Variants in KCNC1 observed in about 807,000 individuals in gnomAD.
The protein encoded by KCNC1 is potassium voltage-gated channel subfamily C member 1, also known as voltage-gated potassium channel KCNC1.
A neutral mutation model predicts 43.4 loss-of-function variants in KCNC1; 8 were observed. The ratio of observed to expected loss-of-function variants is 0.18; its 90% CI spans 0.11 to 0.33. The LOEUF is 0.33. Among genes scored for constraint, KCNC1 ranks in the 10% least tolerant of loss-of-function variants. KCNC1 has a pLI of 1.00. For missense variants in KCNC1, 420 were observed against 836.0 expected, an observed-to-expected ratio of 0.50 and a Z score of 6.14; for synonymous variants, 361 against 360.5, an observed-to-expected ratio of 1.00 and a Z score of -0.01.
intron 1 of KCNC1, among the ~76,000 whole-genome samples, chr11:17,747,054 C>T (rs1219221998): frequency 6.6e-6 from 1 of 152,188 alleles, no homozygotes; most frequent in Non-Finnish European, 1.5e-5. Flanking sequence ...TCACCCGTTA[C>T]CCACCTGTTT....
intron 1 of KCNC1, among the ~76,000 whole-genome samples, chr11:17,757,794 A>G (rs1849037698): frequency 6.6e-6 from 1 of 152,260 alleles, no homozygotes; most frequent in South Asian, 2.1e-4. Flanking sequence ...CTTAATTTTT[A>G]AATACGTTAT....
At chr11:17,738,127 G>C (rs1848791163) in intron 1 of KCNC1, among the ~76,000 whole-genome samples, 1 of 152,114 alleles carries the variant, frequency 6.6e-6, no homozygotes, top group Non-Finnish European at 1.5e-5. Context: ...CCCTCCCCAA[G>C]GTCACCCAGG....
intron 1 of KCNC1, among the ~76,000 whole-genome samples, chr11:17,758,921 T>G (rs372230664): frequency 2.8e-4 from 43 of 152,354 alleles, no homozygotes; most frequent in African/African-American, 9.9e-4. Context: ...ACCAGCTGCA[T>G]TAGCCCTTAA....
chr11:17,754,750 G>A (rs1348287004), intron 1 of KCNC1, among the ~76,000 whole-genome samples: 1 of 152,166 alleles, frequency 6.6e-6, no homozygotes, highest in Admixed American at 6.5e-5. Context: ...CATTCTAGAG[G>A]GGGAAGAGAG....
chr11:17,751,280 C>T (rs185848614), intron 1 of KCNC1, among the ~76,000 whole-genome samples: 11 of 151,864 alleles, frequency 7.2e-5, no homozygotes, highest in East Asian at 1.9e-4. Flanking sequence ...GAGTAATGGA[C>T]GAATAGATGA....
At chr11:17,772,829 C>T (rs932681368) in intron 2 of KCNC1, 16 of 1,405,184 alleles carry the variant, frequency 1.1e-5, no homozygotes, top group African/African-American at 1.4e-5. Context: ...GAGGTTGACG[C>T]GGTTGGTCTC....
Position 17,781,606 on chromosome 11 carries a change from T to G in KCNC1, c.1694-64T>G. 1 of 1,129,236 alleles carries G rather than the reference T, an allele frequency of 8.9e-7. No homozygotes were observed. The highest frequency in any genetic ancestry group is 2.6e-5 in the East Asian group (1 of 38,696). The allele number at this position is 1,129,236 out of a possible 1,614,324, so 70.0% of individuals were successfully genotyped here. A position where few individuals can be genotyped will look rare whatever the true frequency, so the allele number is the denominator to read the frequency against. ...TTCCTCCTCCTTCTTAAAAACTAAG[T>G]ACCAAGCGGGATGGGAGAGCCAAGA... On this transcript the variant is annotated intron_variant, in intron 3 of 3. Transcript: ENST00000265969. This position sits in a 1 kb window ranked among gnomAD's most constrained non-coding sequence, Gnocchi z 5.1.
chr11:17,774,202 G>A, intron 2 of KCNC1: 1 of 985,522 alleles, frequency 1.0e-6, no homozygotes, highest in Non-Finnish European at 1.2e-6. Context: ...ACAGCTCCGA[G>A]CTCTCTGCTT....
Position 17,751,652 on chromosome 11 carries a change from G to A in KCNC1, c.570+15080G>A, listed in dbSNP as rs1024171109. On this transcript the variant is annotated intron_variant, in intron 1 of 3. Coordinates refer to ENST00000265969, the MANE Select transcript of KCNC1 (RefSeq NM_001112741.2). The stretch of plus-strand genomic sequence containing the variant: ...GGGACAGAGACTGGGCTGAGGGACT[G>A]GCCCACTCTCAAAGGTGAGAGTCCC... Among the ~76,000 whole-genome samples the A allele has an allele frequency of 2.0e-5, 3 of 152,310 alleles. No homozygotes were observed. The East Asian group carries it at 5.8e-4, about 29-fold the overall frequency.
At chr11:17,768,929 T>C (rs1849190033) in intron 1 of KCNC1, among the ~76,000 whole-genome samples, 1 of 152,220 alleles carries the variant, frequency 6.6e-6, no homozygotes. Context: ...CCAAGAGCCT[T>C]GGCAACTCTG....
rs567736955 is a variant in KCNC1 at position 17,773,001 on chromosome 11, C to T, written c.1504+403C>T. 8 of 1,068,116 alleles carry T rather than the reference C, an allele frequency of 7.5e-6. No individual in the cohort carries two copies. Among genetic ancestry groups the T allele is most frequent in the East Asian group, 7.3e-5 (1 of 13,684 alleles). The allele number at this position is 1,068,116 out of a possible 1,614,324, so 66.2% of individuals were successfully genotyped here. A position where few individuals can be genotyped will look rare whatever the true frequency, so the allele number is the denominator to read the frequency against. On this transcript the variant is annotated intron_variant, in intron 2 of 3. Transcript: ENST00000265969. The surrounding 1 kb of genome is among the most constrained non-coding windows in gnomAD (Gnocchi z 4.1). ...AGTGGGGGCGGGTGTGATTTGGAAA[C>T]GCTAGACAGCCTTTGATCTGGTCCT... is the stretch of plus-strand genomic sequence containing the variant.
chr11:17,767,294 AAAAAAAGAAAAG>A (rs1303185241), intron 1 of KCNC1, among the ~76,000 whole-genome samples: 19 of 150,810 alleles, frequency 1.3e-4, no homozygotes, highest in African/African-American at 4.7e-4. Flanking sequence ...CAAAAAAAAA[AAAAAAAGAAAAG>A]AAAAGAAAAG....
chr11:17,765,988 G>A (rs1849146435), intron 1 of KCNC1: 1 of 152,968 alleles, frequency 6.5e-6, no homozygotes, highest in African/African-American at 2.4e-5. Context: ...GGGCGGAGGA[G>A]GCAGAGGCAA....
chr11:17,776,550 A>C lies in KCNC1; in HGVS notation c.1505-2906A>C. The C allele has an allele frequency of 1.0e-6, 1 of 985,452 alleles. No homozygotes were observed. The highest frequency in any genetic ancestry group is 1.2e-6 in the Non-Finnish European group (1 of 829,966). The allele number at this position is 985,452 out of a possible 1,614,324, so 61.0% of individuals were successfully genotyped here. ...TTAAAAAAAAATGACCCTCTCGCAG[A>C]TGCTCATCTCAGCCCATTTCAAGCC... On this transcript the variant is annotated intron_variant, in intron 2 of 3. Transcript: ENST00000265969. This position sits in a 1 kb window ranked among gnomAD's most constrained non-coding sequence, Gnocchi z 4.4.
rs369830206 is a variant in KCNC1, at chr11:17,772,010, G to T, written c.916G>T (p.Val306Leu). Residue 306 changes from valine (V) to leucine (L), a missense_variant, in exon 2 of 4, where the codon GTG (valine) becomes TTG (leucine). Physicochemically the swap from Val to Leu is conservative, Grantham distance 32 (BLOSUM62 1). Coordinates refer to ENST00000265969, the MANE Select transcript of KCNC1 (RefSeq NM_001112741.2). ...CCTGTCCTCCAAGGCAGCCAAGGAC[G>T]TGCTGGGCTTCCTGCGCGTCGTCCG... Reference protein sequence around the residue: ...SGLSSKAAKDVLGFLRVVRFV... With the variant: ...SGLSSKAAKDLLGFLRVVRFV... 6.2e-7 allele frequency: 1 copy of T among 1,613,836 alleles called. No individual in the cohort carries two copies. Among genetic ancestry groups the T allele is most frequent in the Non-Finnish European group, 8.5e-7 (1 of 1,180,030 alleles).
intron 1 of KCNC1, among the ~76,000 whole-genome samples, chr11:17,760,841 A>G (rs557008478): frequency 6.6e-6 from 1 of 152,356 alleles, no homozygotes; most frequent in Admixed American, 6.5e-5. Context: ...GAGTGACATG[A>G]TAACACCGCA....
intron 1 of KCNC1, among the ~76,000 whole-genome samples, chr11:17,748,628 T>TGG (rs1848929339): frequency 6.6e-6 from 1 of 151,938 alleles, no homozygotes; most frequent in Admixed American, 6.6e-5. Context: ...GAAAGAAAAA[T>TGG]CCACCCCTAA....
At chr11:17,767,592 G>A (rs1414960310) in intron 1 of KCNC1, among the ~76,000 whole-genome samples, 1 of 152,186 alleles carries the variant, frequency 6.6e-6, no homozygotes, top group African/African-American at 2.4e-5. Context: ...ACCTCCCACT[G>A]GTCTAGACTT....
At chr11:17,780,706 C>T (rs533698693) in intron 3 of KCNC1, 136 of 152,308 alleles carry the variant, frequency 8.9e-4, no homozygotes, top group African/African-American at 2.9e-3. Context: ...TTAAACCACA[C>T]GCAGGAGAAA....
Sources: allele counts gnomAD v4.1 joint callset (sites outside exome capture counted in the v4.1 genomes callset), GRCh38; gene constraint gnomAD v4.1.1; non-coding constraint Gnocchi (gnomAD v3.1); transcripts MANE v1.5; gene names NCBI Gene and HGNC (gene_info 2026-07-23, HGNC 2026-07-21).